STX17: variants seen among roughly 807,000 people sequenced by gnomAD.
The protein encoded by STX17 is syntaxin 17, also known as syntaxin-17.
STX17 carries 29 observed loss-of-function variants against 35.9 expected under a neutral mutation model. That is an observed-to-expected ratio of 0.81 (90% CI 0.60 to 1.10). STX17 has a LOEUF of 1.10. Ranked by LOEUF, STX17 falls within the 50% of genes least tolerant of loss-of-function variation. STX17 has a pLI of 0.00. For missense variants in STX17, 312 were observed against 352.3 expected, an observed-to-expected ratio of 0.89 and a Z score of 0.92; for synonymous variants, 92 against 118.3, an observed-to-expected ratio of 0.78 and a Z score of 1.44.
intron 2 of STX17, among the ~76,000 whole-genome samples, chr9:99,921,494 C>A (rs1267522559): frequency 6.6e-6 from 1 of 151,732 alleles, no homozygotes; most frequent in Non-Finnish European, 1.5e-5. Flanking sequence ...ATGTTATGTG[C>A]AAATTTGATA....
chr9:99,951,526 T>C (rs1285834850), intron 4 of STX17, among the ~76,000 whole-genome samples: 1 of 152,000 alleles, frequency 6.6e-6, no homozygotes, highest in Non-Finnish European at 1.5e-5. Context: ...GTTTGTCTAT[T>C]TATTGAAGAG....
intron 2 of STX17, among the ~76,000 whole-genome samples, chr9:99,924,402 A>T (rs1828949296): frequency 2.0e-5 from 3 of 151,858 alleles, no homozygotes. Context: ...TATATATATT[A>T]TATATATGTA....
chr9:99,921,329 T>C (rs1828881573), intron 2 of STX17, among the ~76,000 whole-genome samples: 2 of 152,144 alleles, frequency 1.3e-5, no homozygotes, highest in Admixed American at 6.6e-5. Flanking sequence ...AGACTTTTTT[T>C]TATATGAATT....
rs1009712311 is a variant in STX17 at position 99,915,192 on chromosome 9, G to A, written c.-48G>A. 6.4e-7 allele frequency: 1 copy of A among 1,569,628 alleles called. No individual in the cohort carries two copies. Among genetic ancestry groups the A allele is most frequent in the African/African-American group, 1.4e-5 (1 of 72,730 alleles). On this transcript the variant is annotated 5_prime_UTR_variant, in exon 2 of 8. In the 5' UTR this introduces an upstream ATG that the reference lacks. Transcript: ENST00000259400. ...TTTTCTTTTAGGTTTTTCTATATGA[G>A]TGGAGAAGACAGCTGTTACCAGGGA...
chr9:99,919,965 C>G (rs1564059154), intron 2 of STX17, among the ~76,000 whole-genome samples: 1 of 152,146 alleles, frequency 6.6e-6, no homozygotes, highest in Non-Finnish European at 1.5e-5. Flanking sequence ...TATTGTTAAT[C>G]TGTGATTACA....
Position 99,951,232 on chromosome 9 carries a change from A to T in STX17, c.362A>T (p.Asn121Ile). 6.2e-7 allele frequency: 1 copy of T among 1,613,040 alleles called. No individual in the cohort carries two copies. The highest frequency in any genetic ancestry group is 1.1e-5 in the South Asian group (1 of 91,058). ...GTAGAAGAACTTAAGAAGCAATTTA[A>T]TGATGAAGAAACTTTGCTACAGCCT... Reference protein sequence around the residue: ...ESVEELKKQFNDEETLLQPPL... With the variant: ...ESVEELKKQFIDEETLLQPPL... Residue 121 changes from asparagine (N) to isoleucine (I), a missense_variant, in exon 4 of 8, where the codon AAT (asparagine) becomes ATT (isoleucine). Asn to Ile is a moderately radical substitution (Grantham distance 149). Coordinates refer to ENST00000259400, the MANE Select transcript of STX17 (RefSeq NM_017919.3).
chr9:99,928,887 C>T, intron 3 of STX17, 44 bp downstream of exon 3: 2 of 1,573,116 alleles, frequency 1.3e-6, no homozygotes, highest in Non-Finnish European at 1.7e-6. Flanking sequence ...ATGAAAAAGA[C>T]AGTCTTAAGA....
intron 3 of STX17, among the ~76,000 whole-genome samples, chr9:99,938,375 A>G (rs530569082): frequency 7.9e-5 from 12 of 152,338 alleles, no homozygotes; most frequent in Non-Finnish European, 1.5e-4. Context: ...CTTTTCTACG[A>G]TAAGAAAACA....
chr9:99,944,100 C>A (rs1366419342), intron 3 of STX17, among the ~76,000 whole-genome samples: 2 of 151,950 alleles, frequency 1.3e-5, no homozygotes, highest in African/African-American at 4.8e-5. Context: ...TATTGGCATA[C>A]ATTTTTTCAG....
intron 4 of STX17, among the ~76,000 whole-genome samples, chr9:99,952,583 A>G (rs1416722949): frequency 6.6e-6 from 1 of 152,018 alleles, no homozygotes; most frequent in Non-Finnish European, 1.5e-5. Context: ...ATGCACACGT[A>G]TGTTTATTGT....
Position 99,968,879 on chromosome 9 carries a change from G to A in STX17, c.*206G>A, listed in dbSNP as rs1829974071. 1.6e-6 allele frequency: 1 copy of A among 629,852 alleles called. No homozygotes were observed. The highest frequency in any genetic ancestry group is 1.9e-5 in the African/African-American group (1 of 53,176). The allele number at this position is 629,852 out of a possible 1,614,324, so 39.0% of individuals were successfully genotyped here. A position where few individuals can be genotyped will look rare whatever the true frequency, so the allele number is the denominator to read the frequency against. ...TTAAGAGATTGAGGCCCTGGGCTGA[G>A]GGTATATAATGTATGTCAGGTAAAG... On this transcript the variant is annotated 3_prime_UTR_variant, in exon 8 of 8. Coordinates refer to ENST00000259400, the MANE Select transcript of STX17 (RefSeq NM_017919.3).
At chr9:99,915,153 T>C in intron 1 of STX17, 25 bp from the exon 2 acceptor site, 4 of 1,403,482 alleles carry the variant, frequency 2.9e-6, no homozygotes, top group Non-Finnish European at 3.8e-6. Flanking sequence ...TTGAAAACAT[T>C]CTTAAAGAAA....
At chr9:99,962,469 G>T (rs1829846093) in intron 6 of STX17, among the ~76,000 whole-genome samples, 1 of 152,070 alleles carries the variant, frequency 6.6e-6, no homozygotes, top group Non-Finnish European at 1.5e-5. Flanking sequence ...AAAAGTCATT[G>T]GTCTGTACAC....
At chr9:99,923,575 T>G (rs1828929533) in intron 2 of STX17, among the ~76,000 whole-genome samples, 1 of 152,158 alleles carries the variant, frequency 6.6e-6, no homozygotes, top group South Asian at 2.1e-4. Context: ...AAGCAAGCAA[T>G]CAGTTCAACA....
At chr9:99,909,439 C>CA (rs1197804118) in intron 1 of STX17, among the ~76,000 whole-genome samples, 1 of 151,728 alleles carries the variant, frequency 6.6e-6, no homozygotes, top group African/African-American at 2.4e-5. Flanking sequence ...CAGGTGTGTT[C>CA]AAAAAACATT....
intron 2 of STX17, among the ~76,000 whole-genome samples, chr9:99,916,426 TATTTATTCATTCATTCATTCATTC>T (rs1828773639): frequency 7.3e-6 from 1 of 136,796 alleles, no homozygotes; most frequent in Non-Finnish European, 1.6e-5. Flanking sequence ...TTTATTTATT[TATTTATTCATTCATTCATTCATTC>T]ATTCATTCAT....
intron 3 of STX17, among the ~76,000 whole-genome samples, chr9:99,947,540 A>T (rs994315451): frequency 2.6e-5 from 4 of 152,116 alleles, no homozygotes; most frequent in Admixed American, 2.0e-4. Context: ...GAAGCTAGGG[A>T]TGATGTTATC....
At chr9:99,960,416 C>A (rs923233418) in intron 6 of STX17, among the ~76,000 whole-genome samples, 3 of 151,720 alleles carry the variant, frequency 2.0e-5, no homozygotes, top group Non-Finnish European at 4.4e-5. Context: ...AAATGAAGCC[C>A]ATTCTCTGCC....
At chr9:99,964,998 C>T (rs1829887849) in intron 6 of STX17, among the ~76,000 whole-genome samples, 1 of 152,066 alleles carries the variant, frequency 6.6e-6, no homozygotes, top group Non-Finnish European at 1.5e-5. Context: ...GATTATTGAT[C>T]CCAGGATAGG....
Sources: gnomAD v4.1 joint callset for allele counts (sites outside exome capture counted in the v4.1 genomes callset) on GRCh38, gnomAD v4.1.1 for gene constraint, MANE v1.5 for transcripts, NCBI Gene and HGNC (gene_info 2026-07-23, HGNC 2026-07-21) for gene names.